The following MSRA variants were observed in gnomAD, a reference collection of about 807,000 sequenced individuals.
MSRA encodes methionine sulfoxide reductase A, also known as mitochondrial peptide methionine sulfoxide reductase.
Under a neutral mutation model 31.3 loss-of-function variants are expected in MSRA, and 54 were observed. The observed-to-expected ratio is 1.73, with a 90% CI of 1.39 to 2.17. MSRA has a LOEUF of 2.17. MSRA is among the 30% of genes most tolerant of loss of function. MSRA has a pLI of 0.00. For missense variants in MSRA, 507 were observed against 300.9 expected (o/e 1.69, Z -5.07); for synonymous variants, 169 against 116.5 (o/e 1.45, Z -2.90).
chr8:10,378,721 G>A (rs1805888727), intron 5 of MSRA, among the ~76,000 whole-genome samples: 1 of 152,246 alleles, frequency 6.6e-6, no homozygotes, highest in Non-Finnish European at 1.5e-5. Flanking sequence ...TGTTAAAAAT[G>A]CAGATTCTTG....
At chr8:10,096,163 C>G (rs1048851670) in intron 1 of MSRA, 3 of 1,243,480 alleles carry the variant, frequency 2.4e-6, no homozygotes, top group Non-Finnish European at 3.1e-6. Context: ...GTTGTTTTAT[C>G]CATGTGTTTA....
chr8:10,150,797 T>TAA (rs765057286), intron 1 of MSRA, among the ~76,000 whole-genome samples: 3 of 152,200 alleles, frequency 2.0e-5, no homozygotes, highest in Non-Finnish European at 4.4e-5. Flanking sequence ...TCTCTTCAGC[T>TAA]CCTGCATGTC....
At chr8:10,211,090 T>G (rs532357618) in intron 2 of MSRA, among the ~76,000 whole-genome samples, 8 of 152,296 alleles carry the variant, frequency 5.3e-5, no homozygotes, top group Middle Eastern at 3.4e-3. Context: ...TTTAGAATGC[T>G]ACCGAAATAA....
chr8:10,380,188 G>A (rs1220165570), intron 5 of MSRA, among the ~76,000 whole-genome samples: 2 of 152,134 alleles, frequency 1.3e-5, no homozygotes, highest in Non-Finnish European at 1.5e-5. Flanking sequence ...TGTTTCGTCT[G>A]CCTTTTCATG....
intron 3 of MSRA, among the ~76,000 whole-genome samples, chr8:10,265,620 A>G (rs1420319034): frequency 1.3e-5 from 2 of 152,222 alleles, no homozygotes; most frequent in South Asian, 4.1e-4. Context: ...TAAGTGATCT[A>G]TATTAAAGTA....
chr8:10,204,438 T>C (rs1392372582), intron 1 of MSRA, among the ~76,000 whole-genome samples: 1 of 152,254 alleles, frequency 6.6e-6, no homozygotes, highest in Non-Finnish European at 1.5e-5. Flanking sequence ...AAATCTTTTA[T>C]ACTGTATTTT....
At chr8:10,163,437 C>T (rs1294980494) in intron 1 of MSRA, among the ~76,000 whole-genome samples, 1 of 152,188 alleles carries the variant, frequency 6.6e-6, no homozygotes, top group Non-Finnish European at 1.5e-5. Context: ...CACTGTTAAT[C>T]AGCTGCCGCT....
chr8:10,347,159 G>C (rs945483059), intron 5 of MSRA, among the ~76,000 whole-genome samples: 1 of 152,124 alleles, frequency 6.6e-6, no homozygotes, highest in Non-Finnish European at 1.5e-5. Flanking sequence ...TTGAGGGCAG[G>C]GGTTCTGTCT....
intron 3 of MSRA, among the ~76,000 whole-genome samples, chr8:10,252,791 G>T (rs183572386): frequency 1.6e-4 from 24 of 152,338 alleles, no homozygotes; most frequent in Non-Finnish European, 2.9e-4. Context: ...TGATGGCATT[G>T]CAATAAGTAA....
At chr8:10,232,114 C>G (rs1048068581) in intron 2 of MSRA, among the ~76,000 whole-genome samples, 1 of 152,116 alleles carries the variant, frequency 6.6e-6, no homozygotes, top group African/African-American at 2.4e-5. Flanking sequence ...GGGGTGGAGG[C>G]TGCCCTGGAA....
chr8:10,389,470 A>G (rs1290664747), intron 5 of MSRA, among the ~76,000 whole-genome samples: 2 of 152,234 alleles, frequency 1.3e-5, no homozygotes. Context: ...TGTCATTGTT[A>G]TGTTCTGCCA....
intron 5 of MSRA, among the ~76,000 whole-genome samples, chr8:10,331,221 C>G (rs1448880342): frequency 6.6e-6 from 1 of 152,198 alleles, no homozygotes; most frequent in Non-Finnish European, 1.5e-5. Flanking sequence ...TTTGTTATGG[C>G]AGCCCGAGCT....
Position 10,270,047 on chromosome 8 carries a change from G to A in MSRA, c.331+24824G>A, listed in dbSNP as rs118111453. 2.3e-3 allele frequency among the ~76,000 whole-genome samples: 355 copies of A among 152,322 alleles called. 1 individual carries two copies. The highest frequency in any genetic ancestry group is 4.1e-3 in the Non-Finnish European group (276 of 68,026). Reference sequence around the variant, plus strand: ...CAAAGAAGATAATGTGCAATGGATAGCATGGTTTAAACAGTGAAGGAAAAA... The same window carrying A: ...CAAAGAAGATAATGTGCAATGGATAACATGGTTTAAACAGTGAAGGAAAAA... On this transcript the variant is annotated intron_variant, in intron 3 of 5. Transcript: ENST00000317173.
chr8:10,077,822 C>A (rs1005584573), intron 1 of MSRA, among the ~76,000 whole-genome samples: 1 of 152,160 alleles, frequency 6.6e-6, no homozygotes, highest in Non-Finnish European at 1.5e-5. Flanking sequence ...TAGGAGGAGA[C>A]TGTTGGTGTC....
At chr8:10,173,612 T>G (rs367904391) in intron 1 of MSRA, among the ~76,000 whole-genome samples, 5 of 152,200 alleles carry the variant, frequency 3.3e-5, no homozygotes, top group African/African-American at 9.6e-5. Flanking sequence ...TCAGCACTCC[T>G]TGGGCCCCAT....
At chr8:10,151,101 A>G (rs1803624747) in intron 1 of MSRA, among the ~76,000 whole-genome samples, 1 of 151,530 alleles carries the variant, frequency 6.6e-6, no homozygotes, top group African/African-American at 2.4e-5. Context: ...AGGTTAGGGG[A>G]GGGAGGATCC....
chr8:10,207,782 A>G (rs760793581), intron 1 of MSRA, 51 bp from the exon 2 acceptor site: 30 of 1,513,806 alleles, frequency 2.0e-5, no homozygotes, highest in South Asian at 7.2e-5. Context: ...ATGTGTTAGT[A>G]TGTGTTAGAA....
At chr8:10,413,978 A>C (rs1026580529) in intron 5 of MSRA, among the ~76,000 whole-genome samples, 1 of 152,166 alleles carries the variant, frequency 6.6e-6, no homozygotes, top group African/African-American at 2.4e-5. Context: ...AGACCCAGGC[A>C]ACATAGCGAG....
intron 2 of MSRA, among the ~76,000 whole-genome samples, chr8:10,214,838 A>G (rs1016357581): frequency 3.3e-5 from 5 of 152,328 alleles, no homozygotes; most frequent in African/African-American, 9.6e-5. Flanking sequence ...TTTATTTTAT[A>G]TATCTTGTGC....
Sources: gnomAD v4.1 joint callset for allele counts (sites outside exome capture counted in the v4.1 genomes callset) on GRCh38, gnomAD v4.1.1 for gene constraint, MANE v1.5 for transcripts, NCBI Gene and HGNC (gene_info 2026-07-23, HGNC 2026-07-21) for gene names.